Variants in SUPT3H observed in about 807,000 individuals in gnomAD.
SUPT3H encodes transcription initiation protein SPT3 homolog.
A neutral mutation model predicts 44.3 loss-of-function variants in SUPT3H; 44 were observed. The observed-to-expected ratio is 0.99, with a 90% CI of 0.78 to 1.28. The LOEUF is 1.28. Among genes scored for constraint, SUPT3H ranks in the 50% most tolerant of loss-of-function variants. The pLI is 0.00. For synonymous variants in SUPT3H, 124 were observed against 125.6 expected, an observed-to-expected ratio of 0.99 and a Z score of 0.09; for missense variants, 380 against 387.1, an observed-to-expected ratio of 0.98 and a Z score of 0.15.
intron 2 of SUPT3H, among the ~76,000 whole-genome samples, chr6:45,186,177 G>C (rs1320640550): frequency 6.6e-6 from 1 of 152,252 alleles, no homozygotes; most frequent in East Asian, 1.9e-4. Context: ...CAGGCAGTGG[G>C]AAGGTGAGAA....
chr6:45,350,396 A>C lies in SUPT3H; in HGVS notation c.101+14805T>G, dbSNP rs141258258. On this transcript the variant is annotated intron_variant, in intron 2 of 10. Transcript: ENST00000371459. Reference sequence around the variant, plus strand: ...ATACAAGGAATTTGCACCAGAATGTAAATCAATTACATTAGGTAATTTGTA... The same window carrying C: ...ATACAAGGAATTTGCACCAGAATGTCAATCAATTACATTAGGTAATTTGTA... Among the ~76,000 whole-genome samples, 17 of 152,356 alleles carry C rather than the reference A, an allele frequency of 1.1e-4. No homozygotes were observed. In the East Asian group the frequency reaches 3.1e-3, roughly 28 times the overall value.
intron 2 of SUPT3H, among the ~76,000 whole-genome samples, chr6:45,275,984 T>C (rs1776950794): frequency 6.6e-6 from 1 of 152,056 alleles, no homozygotes. Context: ...TTCTATTCCC[T>C]TCCAGAGATT....
intron 2 of SUPT3H, among the ~76,000 whole-genome samples, chr6:45,106,526 G>A (rs192797505): frequency 1.1e-4 from 17 of 152,066 alleles, no homozygotes; most frequent in East Asian, 5.8e-4. Flanking sequence ...TTCTGGATTC[G>A]TACAGTTTTT....
intron 10 of SUPT3H, among the ~76,000 whole-genome samples, chr6:44,893,481 T>C (rs1029709686): frequency 1.3e-5 from 2 of 152,186 alleles, no homozygotes; most frequent in Non-Finnish European, 2.9e-5. Context: ...GTTTGGTTTT[T>C]TGTTCTTGCA....
Position 44,809,456 on chromosome 6 carries a change from A to G in SUPT3H, c.*98T>C, listed in dbSNP as rs566939060. On this transcript the variant is annotated 3_prime_UTR_variant and NMD_transcript_variant, in exon 12 of 12. Coordinates refer to the SUPT3H transcript ENST00000475057. ...AGGTCTGTCACCATCTATGGTACAT[A>G]TGACAAGGAAGTAAACAGGAAGTGC... The G allele has an allele frequency of 4.3e-4, 66 of 152,370 alleles. 1 individual carries two copies. The highest frequency in any genetic ancestry group is 1.5e-3 in the African/African-American group (63 of 41,592). The allele number at this position is 152,370 out of a possible 1,614,324, so 9.4% of individuals were successfully genotyped here.
At chr6:45,184,508 AT>A (rs1453800399) in intron 2 of SUPT3H, among the ~76,000 whole-genome samples, 5 of 152,132 alleles carry the variant, frequency 3.3e-5, no homozygotes, top group Non-Finnish European at 7.3e-5. Flanking sequence ...CAAAAACAAT[AT>A]TTTGAAGGCT....
chr6:45,040,610 CT>C (rs1583208292), intron 3 of SUPT3H, among the ~76,000 whole-genome samples: 1 of 152,232 alleles, frequency 6.6e-6, no homozygotes, highest in East Asian at 1.9e-4. Flanking sequence ...AACAAAAAAG[CT>C]TTTCAAAGAG....
At chr6:45,012,878 T>G (rs970629263) in intron 5 of SUPT3H, among the ~76,000 whole-genome samples, 4 of 152,154 alleles carry the variant, frequency 2.6e-5, no homozygotes, top group Non-Finnish European at 4.4e-5. Context: ...CCTTGCAGTA[T>G]GCAGCCTCTG....
At chr6:45,220,660 C>G (rs542476132) in intron 2 of SUPT3H, among the ~76,000 whole-genome samples, 2 of 152,276 alleles carry the variant, frequency 1.3e-5, no homozygotes, top group South Asian at 4.1e-4. Flanking sequence ...AATGACATTA[C>G]TGTCTGCATA....
At chr6:44,813,443 G>A (rs1258478222) in intron 11 of SUPT3H, among the ~76,000 whole-genome samples, 1 of 151,992 alleles carries the variant, frequency 6.6e-6, no homozygotes, top group African/African-American at 2.4e-5. Context: ...CCCTACCTTG[G>A]CCTCCCAAAG....
rs138672355 is a variant in SUPT3H, at chr6:45,165,213, A to G, written c.102-59207T>C. On this transcript the variant is annotated intron_variant, in intron 2 of 10. Coordinates refer to ENST00000371459, the MANE Select transcript of SUPT3H (RefSeq NM_003599.4). ...ATGAAAGCTATCCTAAAAGAGCTGG[A>G]ACACTGAGAAAAACCACCAGTACCA... 2.0e-5 allele frequency among the ~76,000 whole-genome samples: 3 copies of G among 152,330 alleles called. No individual in the cohort carries two copies. In the East Asian group the frequency reaches 5.8e-4, roughly 29 times the overall value.
At chr6:45,257,835 GATTGTGGCTGCAGC>G (rs1433942643) in intron 2 of SUPT3H, among the ~76,000 whole-genome samples, 2 of 152,116 alleles carry the variant, frequency 1.3e-5, no homozygotes, top group African/African-American at 4.8e-5. Flanking sequence ...CACTGGAGGC[GATTGTGGCTGCAGC>G]ATTTACCCTG....
chr6:44,958,453 T>C (rs935721794), intron 7 of SUPT3H, among the ~76,000 whole-genome samples: 1 of 152,184 alleles, frequency 6.6e-6, no homozygotes, highest in Non-Finnish European at 1.5e-5. Context: ...TTCAACCTAA[T>C]TGAAAATAGC....
At chr6:45,157,710 G>A (rs750187191) in intron 2 of SUPT3H, among the ~76,000 whole-genome samples, 3 of 151,496 alleles carry the variant, frequency 2.0e-5, no homozygotes, top group South Asian at 2.1e-4. Context: ...CACCATGCCC[G>A]GCTAATTTTT....
intron 3 of SUPT3H, among the ~76,000 whole-genome samples, chr6:45,074,034 A>C (rs1794706163): frequency 6.6e-6 from 1 of 152,008 alleles, no homozygotes; most frequent in Non-Finnish European, 1.5e-5. Context: ...ACAGAAAAGC[A>C]ATTAAATTAA....
At chr6:45,176,816 T>G (rs1812014669) in intron 2 of SUPT3H, among the ~76,000 whole-genome samples, 1 of 152,050 alleles carries the variant, frequency 6.6e-6, no homozygotes, top group African/African-American at 2.4e-5. Context: ...AGGGGCAGAC[T>G]GACACAAGGC....
chr6:45,139,899 A>T (rs772934962), intron 2 of SUPT3H, among the ~76,000 whole-genome samples: 1 of 152,104 alleles, frequency 6.6e-6, no homozygotes, highest in Non-Finnish European at 1.5e-5. Context: ...ACCTCAGCAG[A>T]ATTCAGGGGG....
At chr6:45,152,537 G>A (rs1393905651) in intron 2 of SUPT3H, among the ~76,000 whole-genome samples, 1 of 152,072 alleles carries the variant, frequency 6.6e-6, no homozygotes, top group African/African-American at 2.4e-5. Flanking sequence ...TCTTGCCCAG[G>A]CTAGAGTGCA....
chr6:44,969,567 A>G (rs1404977497), intron 6 of SUPT3H, among the ~76,000 whole-genome samples: 1 of 152,224 alleles, frequency 6.6e-6, no homozygotes, highest in African/African-American at 2.4e-5. Context: ...AATCACAGAG[A>G]AACAGCAGAG....
Sources: gnomAD v4.1 joint callset for allele counts (sites outside exome capture counted in the v4.1 genomes callset) on GRCh38, gnomAD v4.1.1 for gene constraint, MANE v1.5 for transcripts, NCBI Gene and HGNC (gene_info 2026-07-23, HGNC 2026-07-21) for gene names.